The following FBXO4 variants were observed in gnomAD, a reference collection of about 807,000 sequenced individuals.
FBXO4 encodes the protein F-box protein 4, also known as F-box only protein 4.
FBXO4 carries 36 observed loss-of-function variants against 43.7 expected under a neutral mutation model. That is an observed-to-expected ratio of 0.82 (90% confidence interval 0.63 to 1.09). The LOEUF (loss-of-function observed/expected upper bound fraction) is 1.09. Ranked by LOEUF, FBXO4 falls within the 50% of genes least tolerant of loss-of-function variation. FBXO4 has a pLI of 0.00. For missense variants in FBXO4, 435 were observed against 474.1 expected (o/e 0.92, Z 0.77); for synonymous variants, 180 against 165.6 (o/e 1.09, Z -0.67).
the FBXO4 span, among the ~76,000 whole-genome samples, chr5:41,988,560 T>A: frequency 2.6e-5 from 4 of 152,174 alleles, no homozygotes; most frequent in African/African-American, 9.7e-5. Context: ...TTGTCTGCAT[T>A]GAGACTCCAG....
At chr5:41,962,552 C>G in the FBXO4 span, among the ~76,000 whole-genome samples, 3 of 152,094 alleles carry the variant, frequency 2.0e-5, no homozygotes, top group Admixed American at 2.0e-4. Flanking sequence ...AGTGTAAAGC[C>G]CAGAGGGTTT....
At chr5:41,998,453 T>C in the FBXO4 span, among the ~76,000 whole-genome samples, 1 of 152,180 alleles carries the variant, frequency 6.6e-6, no homozygotes, top group Middle Eastern at 3.2e-3. Context: ...GATCCCTTCC[T>C]CTACATTAAA....
the FBXO4 span, among the ~76,000 whole-genome samples, chr5:41,965,777 G>T: frequency 6.6e-6 from 1 of 152,152 alleles, no homozygotes; most frequent in South Asian, 2.1e-4. Context: ...CAGGGATCTA[G>T]AATTAGAAAT....
chr5:42,030,801 A>G, the FBXO4 span, among the ~76,000 whole-genome samples: 4 of 152,354 alleles, frequency 2.6e-5, no homozygotes, highest in South Asian at 6.2e-4. Flanking sequence ...GGTGAGGGAT[A>G]TGAACAGACA....
chr5:41,957,726 A>G, the FBXO4 span, among the ~76,000 whole-genome samples: 1 of 151,630 alleles, frequency 6.6e-6, no homozygotes, highest in Non-Finnish European at 1.5e-5. Flanking sequence ...CCATCTTTGG[A>G]TTGAGATTTG....
chr5:41,966,549 A>G, the FBXO4 span, among the ~76,000 whole-genome samples: 1 of 152,210 alleles, frequency 6.6e-6, no homozygotes, highest in Non-Finnish European at 1.5e-5. Flanking sequence ...CACTTTCCCA[A>G]TGACTGACTA....
the FBXO4 span, among the ~76,000 whole-genome samples, chr5:42,001,364 G>A: frequency 6.6e-6 from 1 of 152,098 alleles, no homozygotes; most frequent in Non-Finnish European, 1.5e-5. Flanking sequence ...TGATTAGCTG[G>A]GGATACAGGC....
chr5:41,986,757 G>A, the FBXO4 span, among the ~76,000 whole-genome samples: 3 of 152,052 alleles, frequency 2.0e-5, no homozygotes, highest in South Asian at 2.1e-4. Context: ...CCACAAAAAC[G>A]CAAACATGTT....
chr5:41,948,282 G>C, the FBXO4 span, among the ~76,000 whole-genome samples: 3 of 151,780 alleles, frequency 2.0e-5, no homozygotes, highest in Non-Finnish European at 4.4e-5. Context: ...ACTACAGGCG[G>C]CTGCCACCAC....
chr5:42,035,680 G>A, the FBXO4 span, among the ~76,000 whole-genome samples: 4 of 152,080 alleles, frequency 2.6e-5, no homozygotes, highest in South Asian at 2.1e-4. Context: ...AATAAAAATC[G>A]TGTTCCATGA....
the FBXO4 span, among the ~76,000 whole-genome samples, chr5:42,017,568 C>G: frequency 6.7e-6 from 1 of 150,186 alleles, no homozygotes. Flanking sequence ...ATATCCAACA[C>G]TTTTTCAACC....
chr5:41,939,516 T>G lies in FBXO4; in HGVS notation c.974T>G (p.Leu325Trp). Reference protein sequence around the residue: ...DPAFGSSGRPLLVLSCISQGD... With the variant: ...DPAFGSSGRPWLVLSCISQGD... ...GCCTTTGGGTCTTCGGGAAGACCAT[T>G]GTTGGTTTTATCTTGTATTTCTCAA... Residue 325 changes from leucine (L) to tryptophan (W), a missense_variant, in exon 6 of 7, where the codon TTG (leucine) becomes TGG (tryptophan). Physicochemically the swap from Leu to Trp is moderately conservative, Grantham distance 61 (BLOSUM62 -2). Transcript: ENST00000281623. 6.2e-7 allele frequency: 1 copy of G among 1,613,806 alleles called. No individual in the cohort carries two copies. The highest frequency in any genetic ancestry group is 8.5e-7 in the Non-Finnish European group (1 of 1,179,782).
chr5:41,998,028 G>C, the FBXO4 span, among the ~76,000 whole-genome samples: 1 of 152,094 alleles, frequency 6.6e-6, no homozygotes, highest in Admixed American at 6.5e-5. Flanking sequence ...CTTAGGTAGG[G>C]ATGCAGCAGG....
chr5:41,951,612 T>C, the FBXO4 span: 1 of 221,466 alleles, frequency 4.5e-6, no homozygotes, highest in South Asian at 6.3e-5. Flanking sequence ...TAAGTCATAA[T>C]CTCCCATGGG....
the FBXO4 span, among the ~76,000 whole-genome samples, chr5:42,032,674 GTTCAA>G: frequency 5.9e-5 from 9 of 152,108 alleles, no homozygotes; most frequent in East Asian, 1.7e-3. Context: ...GCCATCCAAC[GTTCAA>G]TTCCTGGAAT....
intron 5 of FBXO4, among the ~76,000 whole-genome samples, chr5:41,937,377 T>G (rs755280980): frequency 3.3e-5 from 5 of 152,194 alleles, no homozygotes; most frequent in Non-Finnish European, 7.3e-5. Context: ...ATCTTTATAG[T>G]ACTGCAAGGG....
At chr5:41,980,473 C>T in the FBXO4 span, among the ~76,000 whole-genome samples, 8 of 152,100 alleles carry the variant, frequency 5.3e-5, no homozygotes, top group Admixed American at 5.2e-4. Flanking sequence ...ACCAATTTAT[C>T]AACATTCTTC....
At chr5:41,999,494 CATATATATATGTGTAT>C in the FBXO4 span, among the ~76,000 whole-genome samples, 1 of 86,870 alleles carries the variant, frequency 1.2e-5, no homozygotes, top group African/African-American at 5.3e-5. Context: ...TATATATATA[CATATATATATGTGTAT>C]ATATATATAT....
intron 3 of FBXO4, among the ~76,000 whole-genome samples, chr5:41,932,575 G>A (rs1398395255): frequency 1.3e-5 from 2 of 152,202 alleles, no homozygotes; most frequent in Non-Finnish European, 2.9e-5. Context: ...GTAGGGACCA[G>A]ATATTATGGT....
Sources: allele counts gnomAD v4.1 joint callset (sites outside exome capture counted in the v4.1 genomes callset), GRCh38; gene constraint gnomAD v4.1.1; transcripts MANE v1.5; gene names NCBI Gene and HGNC (gene_info 2026-07-23, HGNC 2026-07-21).